The following DYRK1A variants were observed in gnomAD, a reference collection of about 807,000 sequenced individuals.
The protein encoded by DYRK1A is dual specificity tyrosine phosphorylation regulated kinase 1A.
In DYRK1A, 9 loss-of-function variants were observed where a neutral mutation model predicts 79.7. That is an observed-to-expected ratio of 0.11 (90% CI 0.07 to 0.20). The LOEUF is 0.20. Ranked by LOEUF, DYRK1A falls within the 10% of genes least tolerant of loss-of-function variation. The probability of loss-of-function intolerance (pLI) is 1.00; values close to 1 mark genes in which losing one functional copy is unlikely to be tolerated. For synonymous variants in DYRK1A, 349 were observed against 329.7 expected (o/e 1.06, Z -0.63); for missense variants, 622 against 956.0 (o/e 0.65, Z 4.61).
chr21:37,484,598 T>TG (rs1452768347), intron 5 of DYRK1A, among the ~76,000 whole-genome samples: 1 of 152,142 alleles, frequency 6.6e-6, no homozygotes, highest in Non-Finnish European at 1.5e-5. Context: ...CAAATCATGC[T>TG]GGGATTACAG....
In DYRK1A at chr21:37,523,108, C is replaced by G. The variant is rs1385154602; in HGVS notation, c.*10577C>G. ...AGGCTGCAGTGCAGTGGTATGATCT[C>G]TGCTTACTGCAGCCTCCACCTCTGG... On this transcript the variant is annotated 3_prime_UTR_variant, in exon 12 of 12. Coordinates refer to ENST00000647188, the MANE Select transcript of DYRK1A (RefSeq NM_001347721.2). 6.6e-6 allele frequency: 1 copy of G among 152,406 alleles called. No individual in the cohort carries two copies. Among genetic ancestry groups the G allele is most frequent in the African/African-American group, 2.4e-5 (1 of 41,448 alleles). The allele number at this position is 152,406 out of a possible 1,614,324, so 9.4% of individuals were successfully genotyped here.
chr21:37,433,905 TG>T lies in DYRK1A; in HGVS notation c.10+13528del, dbSNP rs561165942. Among the ~76,000 whole-genome samples the T allele has an allele frequency of 4.5e-3, 678 of 152,264 alleles. 5 individuals are homozygous for T. The highest frequency in any genetic ancestry group is 0.011 in the South Asian group (53 of 4,830). On this transcript the variant is annotated intron_variant, in intron 2 of 11. Transcript: ENST00000647188. ...AAATATAGTTTCTTTGTTTCTAGGATGGGGGGGTTAATATTAGATTATTTTT... is the reference window on the plus strand; with the variant it reads ...AAATATAGTTTCTTTGTTTCTAGGATGGGGGGTTAATATTAGATTATTTTT...
intron 1 of DYRK1A, among the ~76,000 whole-genome samples, chr21:37,406,945 T>G (rs1244115161): frequency 6.6e-6 from 1 of 150,830 alleles, no homozygotes; most frequent in East Asian, 1.9e-4. Context: ...TGATTTTTTT[T>G]TTTTTTTTAA....
chr21:37,457,640 T>C (rs974352721), intron 2 of DYRK1A, among the ~76,000 whole-genome samples: 1 of 152,210 alleles, frequency 6.6e-6, no homozygotes, highest in Non-Finnish European at 1.5e-5. Flanking sequence ...TTAATTAGAA[T>C]CACAAAGCCA....
intron 3 of DYRK1A, among the ~76,000 whole-genome samples, chr21:37,477,578 C>T (rs777074555): frequency 4.6e-5 from 7 of 152,072 alleles, no homozygotes; most frequent in Admixed American, 1.3e-4. Flanking sequence ...GTGTCGAGAG[C>T]CATGAGTTGG....
chr21:37,367,963 C>T (rs1013704966), intron 1 of DYRK1A: 7 of 163,132 alleles, frequency 4.3e-5, no homozygotes, highest in Admixed American at 1.3e-4. Flanking sequence ...TCCTCCTCCT[C>T]TTCCTCCTCA....
intron 5 of DYRK1A, among the ~76,000 whole-genome samples, chr21:37,483,607 G>C (rs2052738652): frequency 6.6e-6 from 1 of 152,016 alleles, no homozygotes; most frequent in Non-Finnish European, 1.5e-5. Context: ...TTAAGAGACA[G>C]GGTCTCACTG....
intron 2 of DYRK1A, among the ~76,000 whole-genome samples, chr21:37,464,775 T>C (rs1250188494): frequency 6.6e-6 from 1 of 152,244 alleles, no homozygotes; most frequent in Non-Finnish European, 1.5e-5. Context: ...TGGTTCCGCA[T>C]AATACTTTAT....
intron 3 of DYRK1A, among the ~76,000 whole-genome samples, chr21:37,473,494 A>G (rs1054404109): frequency 4.8e-4 from 73 of 152,090 alleles, no homozygotes; most frequent in Non-Finnish European, 8.5e-4. Context: ...AATTAACTGC[A>G]CCGTCTACGT....
chr21:37,504,353 C>G (rs1017156732), intron 9 of DYRK1A: 2 of 152,268 alleles, frequency 1.3e-5, no homozygotes, highest in Admixed American at 6.5e-5. Flanking sequence ...CAGACTTGGG[C>G]TGGAGTCTTC....
At position 37,516,440 on chromosome 21, in the gene DYRK1A, C is replaced by T. The variant is rs781094533; in HGVS notation, c.*3909C>T. 7 of 152,124 alleles carry T rather than the reference C, an allele frequency of 4.6e-5. No individual in the cohort carries two copies. The highest frequency in any genetic ancestry group is 7.2e-5 in the African/African-American group (3 of 41,432). 9.4% of individuals were successfully genotyped at this position (152,124 alleles called of 1,614,324 possible). On this transcript the variant is annotated 3_prime_UTR_variant, in exon 12 of 12. Transcript: ENST00000647188. ...TTTCTTATCTAGGCCTGTTTCCTTG[C>T]GTGAAAACATACATCACCAAGTAAT...
At chr21:37,367,757 G>C (rs1035891889) in intron 1 of DYRK1A, 129 bp downstream of exon 1, 1 of 150,698 alleles carries the variant, frequency 6.6e-6, no homozygotes, top group Non-Finnish European at 1.5e-5. Context: ...GAGGCGCCGC[G>C]GGCCCAGGGC....
At chr21:37,502,039 A>G (rs138455815) in intron 9 of DYRK1A, 82 of 152,270 alleles carry the variant, frequency 5.4e-4, no homozygotes, top group African/African-American at 1.8e-3. Flanking sequence ...CGATATCACT[A>G]TAGTCTTACC....
In DYRK1A at chr21:37,506,149, C is replaced by T. The variant is rs1458251657; in HGVS notation, c.1570C>T (p.His524Tyr). ...NSGRARSDPT[H>Y]QHRHSGGHFT... ...TGGGAGAGCCCGGTCGGATCCGACG[C>T]ACCAGCATCGGCACAGTGGTGGGCA... is the stretch of plus-strand genomic sequence containing the variant. Residue 524 changes from histidine (H) to tyrosine (Y), a missense_variant, in exon 11 of 12, where the codon CAC becomes TAC. By Grantham distance (83) the His-to-Tyr change is moderately conservative. This residue lies in a region of DYRK1A where 292 missense variants were observed against 316.7 expected (regional missense o/e 0.92). Transcript: ENST00000647188. The T allele has an allele frequency of 6.2e-7, 1 of 1,614,124 alleles. No individual in the cohort carries two copies. Among genetic ancestry groups the T allele is most frequent in the African/African-American group, 1.3e-5 (1 of 75,062 alleles).
rs1268659591 is a variant in DYRK1A at position 37,520,625 on chromosome 21, A to AT, written c.*8095dup. 1 of 152,216 alleles carries AT rather than the reference A, an allele frequency of 6.6e-6. No homozygotes were observed. The highest frequency in any genetic ancestry group is 1.5e-5 in the Non-Finnish European group (1 of 68,042). 9.4% of individuals were successfully genotyped at this position (152,216 alleles called of 1,614,324 possible). On this transcript the variant is annotated 3_prime_UTR_variant, in exon 12 of 12. Coordinates refer to ENST00000647188, the MANE Select transcript of DYRK1A (RefSeq NM_001347721.2). ...TACAATGGGCCGTGGATTTGGATGG[A>AT]TGATGAAGCTGAAACAAGGGACCTA... is the stretch of plus-strand genomic sequence containing the variant.
chr21:37,396,945 G>A (rs912804516), intron 1 of DYRK1A, among the ~76,000 whole-genome samples: 2 of 152,126 alleles, frequency 1.3e-5, no homozygotes, highest in Non-Finnish European at 2.9e-5. Context: ...ACTGCCTCAC[G>A]TGGTCATCTG....
chr21:37,440,694 T>C (rs1476607350), intron 2 of DYRK1A, among the ~76,000 whole-genome samples: 1 of 152,198 alleles, frequency 6.6e-6, no homozygotes, highest in Non-Finnish European at 1.5e-5. Context: ...GTTGTGGTTA[T>C]TTAGGACTAT....
chr21:37,451,446 T>C (rs1246729351), intron 2 of DYRK1A, among the ~76,000 whole-genome samples: 1 of 147,424 alleles, frequency 6.8e-6, no homozygotes, highest in Non-Finnish European at 1.5e-5. Context: ...AAGTGATCTT[T>C]TATATCATAT....
At position 37,367,943 on chromosome 21, in the gene DYRK1A, TTCC is replaced by T. The variant is rs923529993; in HGVS notation, c.-77+333_-77+335del. The stretch of plus-strand genomic sequence containing the variant: ...CCCGAGCGAAGGGGTGGAGGTTGTC[TTCC>T]TCCTCCTCCTCCTCCTCTTCCTCCT... On this transcript the variant is annotated intron_variant, in intron 1 of 11. Transcript: ENST00000647188. 658 of 158,512 alleles carry T rather than the reference TTCC, an allele frequency of 4.2e-3. 1 individual carries two copies. Among genetic ancestry groups the T allele is most frequent in the African/African-American group, 8.7e-3 (358 of 41,354 alleles). 9.8% of individuals were successfully genotyped at this position (158,512 alleles called of 1,614,324 possible). A position where few individuals can be genotyped will look rare whatever the true frequency, so the allele number is the denominator to read the frequency against.
Sources: allele counts gnomAD v4.1 joint callset (sites outside exome capture counted in the v4.1 genomes callset), GRCh38; gene constraint gnomAD v4.1.1; regional missense constraint gnomAD v4.1.1; transcripts MANE v1.5; gene names NCBI Gene and HGNC (gene_info 2026-07-23, HGNC 2026-07-21).